FGF10: variants seen among roughly 807,000 people sequenced by gnomAD.
The protein encoded by FGF10 is FGF-10.
FGF10 carries 2 observed loss-of-function variants against 19.8 expected under a neutral mutation model. That is an observed-to-expected ratio of 0.10 (90% confidence interval 0.04 to 0.32). The LOEUF (loss-of-function observed/expected upper bound fraction) is 0.32, where lower values mean the gene tolerates loss of function less well. FGF10 is among the 10% of genes least tolerant of loss of function. The pLI is 1.00. For missense variants in FGF10, 191 were observed against 246.3 expected (o/e 0.78, Z 1.50); for synonymous variants, 112 against 94.0 (o/e 1.19, Z -1.10).
chr5:44,365,960 G>A (rs935912299), intron 1 of FGF10, among the ~76,000 whole-genome samples: 12 of 151,702 alleles, frequency 7.9e-5, no homozygotes, highest in African/African-American at 2.2e-4. Flanking sequence ...ATTTCTGGGC[G>A]CATAAAATTA....
intron 1 of FGF10, among the ~76,000 whole-genome samples, chr5:44,321,302 G>A (rs1740480907): frequency 6.6e-6 from 1 of 152,208 alleles, no homozygotes; most frequent in African/African-American, 2.4e-5. Flanking sequence ...GGACTAATGA[G>A]TCACCATGGT....
At chr5:44,319,801 T>A (rs1579901576) in intron 1 of FGF10, among the ~76,000 whole-genome samples, 1 of 152,182 alleles carries the variant, frequency 6.6e-6, no homozygotes, top group African/African-American at 2.4e-5. Flanking sequence ...ATGGCAACAT[T>A]GATTCATTTG....
At position 44,327,350 on chromosome 5, in the gene FGF10, TCA is replaced by T. The variant is rs749927565; in HGVS notation, c.326-16822_326-16821del. 6.6e-5 allele frequency among the ~76,000 whole-genome samples: 10 copies of T among 152,168 alleles called. No individual in the cohort carries two copies. In the East Asian group the frequency reaches 1.9e-3, roughly 29 times the overall value. On this transcript the variant is annotated intron_variant, in intron 1 of 2. Coordinates refer to ENST00000264664, the MANE Select transcript of FGF10 (RefSeq NM_004465.2). ...CAAGCCTAAACCAGAATTATTCTGCTCAGTCTTTTTCTTCTAAATTCACTTGC... is the reference window on the plus strand; with the variant it reads ...CAAGCCTAAACCAGAATTATTCTGCTGTCTTTTTCTTCTAAATTCACTTGC...
chr5:44,384,472 C>T (rs559197567), intron 1 of FGF10, among the ~76,000 whole-genome samples: 2 of 152,164 alleles, frequency 1.3e-5, no homozygotes, highest in South Asian at 2.1e-4. Flanking sequence ...TAAAGAACTG[C>T]GGGTGTTCAC....
At chr5:44,351,451 A>G (rs1741230461) in intron 1 of FGF10, among the ~76,000 whole-genome samples, 1 of 151,582 alleles carries the variant, frequency 6.6e-6, no homozygotes, top group South Asian at 2.1e-4. Flanking sequence ...TCTTTTTTTA[A>G]CAGTTCAGTG....
At chr5:44,357,682 T>C (rs1741379779) in intron 1 of FGF10, among the ~76,000 whole-genome samples, 2 of 151,458 alleles carry the variant, frequency 1.3e-5, no homozygotes, top group Admixed American at 6.6e-5. Context: ...ACCATTATGC[T>C]ATTTTGCCTC....
chr5:44,312,896 A>G (rs536113007), intron 1 of FGF10, among the ~76,000 whole-genome samples: 1 of 152,238 alleles, frequency 6.6e-6, no homozygotes, highest in Admixed American at 6.6e-5. Context: ...TAGTAATAGT[A>G]TAAGATACAA....
At chr5:44,340,256 C>A (rs1299651294) in intron 1 of FGF10, among the ~76,000 whole-genome samples, 1 of 151,992 alleles carries the variant, frequency 6.6e-6, no homozygotes, top group Non-Finnish European at 1.5e-5. Context: ...CTGAAAGTAG[C>A]CCAAAGAATA....
At chr5:44,354,652 A>T (rs932235459) in intron 1 of FGF10, among the ~76,000 whole-genome samples, 2 of 151,476 alleles carry the variant, frequency 1.3e-5, no homozygotes, top group Non-Finnish European at 3.0e-5. Flanking sequence ...AATCTCTAAA[A>T]GCAGTGGTAG....
At chr5:44,335,642 T>TG (rs1740832225) in intron 1 of FGF10, among the ~76,000 whole-genome samples, 1 of 152,104 alleles carries the variant, frequency 6.6e-6, no homozygotes, top group African/African-American at 2.4e-5. Context: ...AAGCTAATTA[T>TG]GGAAAACACA....
intron 1 of FGF10, among the ~76,000 whole-genome samples, chr5:44,381,334 C>G (rs561886348): frequency 1.3e-5 from 2 of 152,264 alleles, no homozygotes; most frequent in Non-Finnish European, 2.9e-5. Context: ...ACAAAACTAT[C>G]AGCTTTAGAT....
In FGF10 at chr5:44,304,967, C is replaced by G; in HGVS notation, c.*28G>C. On this transcript the variant is annotated 3_prime_UTR_variant, in exon 3 of 3. Transcript: ENST00000264664. ...ATTCTTGGCAAAAGAGCCATTGGTTCTACTGCATCCACAAACGTTGCCTTC... is the reference window on the plus strand; with the variant it reads ...ATTCTTGGCAAAAGAGCCATTGGTTGTACTGCATCCACAAACGTTGCCTTC... 3 of 1,606,606 alleles carry G rather than the reference C, an allele frequency of 1.9e-6. No homozygotes were observed. The highest frequency in any genetic ancestry group is 2.6e-6 in the Non-Finnish European group (3 of 1,173,324).
chr5:44,329,587 A>T (rs1448642373), intron 1 of FGF10, among the ~76,000 whole-genome samples: 1 of 152,086 alleles, frequency 6.6e-6, no homozygotes, highest in Non-Finnish European at 1.5e-5. Flanking sequence ...TCCAACCTAA[A>T]CTAGAACGCA....
intron 1 of FGF10, among the ~76,000 whole-genome samples, chr5:44,382,905 C>T (rs1200815689): frequency 6.6e-6 from 1 of 151,990 alleles, no homozygotes; most frequent in Non-Finnish European, 1.5e-5. Flanking sequence ...AACAGTAATA[C>T]TAAAAATGTC....
In FGF10 at chr5:44,328,564, C is replaced by G. The variant is rs1299223285; in HGVS notation, c.326-18034G>C. On this transcript the variant is annotated intron_variant, in intron 1 of 2. Transcript: ENST00000264664. Reference sequence around the variant, plus strand: ...CTTGAGCCTAGGAATTTGAGAGCAGCCTGGGCACCATAGTGAGACCGCGTC... The same window carrying G: ...CTTGAGCCTAGGAATTTGAGAGCAGGCTGGGCACCATAGTGAGACCGCGTC... Among the ~76,000 whole-genome samples, 3 of 152,220 alleles carry G rather than the reference C, an allele frequency of 2.0e-5. No individual in the cohort carries two copies. In the East Asian group the frequency reaches 5.8e-4, roughly 29 times the overall value.
chr5:44,346,810 T>C lies in FGF10; in HGVS notation c.326-36280A>G, dbSNP rs17227836. Among the ~76,000 whole-genome samples the C allele has an allele frequency of 2.7e-3, 416 of 151,972 alleles. 12 individuals are homozygous for C. The East Asian group carries it at 0.075, about 27-fold the overall frequency. Reference sequence around the variant, plus strand: ...TGTTGAGCATTTAAAATATGACTAATAATATTGAGAAACAGAATAATTTTA... The same window carrying C: ...TGTTGAGCATTTAAAATATGACTAACAATATTGAGAAACAGAATAATTTTA... On this transcript the variant is annotated intron_variant, in intron 1 of 2. Coordinates refer to ENST00000264664, the MANE Select transcript of FGF10 (RefSeq NM_004465.2).
intron 1 of FGF10, among the ~76,000 whole-genome samples, chr5:44,349,014 C>T (rs933044786): frequency 4.0e-5 from 6 of 151,374 alleles, no homozygotes; most frequent in Admixed American, 1.3e-4. Flanking sequence ...TTCCAAAACT[C>T]GTTCAAGAAA....
At chr5:44,318,422 GA>G (rs1186291636) in intron 1 of FGF10, among the ~76,000 whole-genome samples, 1 of 152,098 alleles carries the variant, frequency 6.6e-6, no homozygotes, top group Non-Finnish European at 1.5e-5. Flanking sequence ...CAAAAATTCT[GA>G]AAAGTTCGAA....
chr5:44,337,427 C>T (rs1030974143), intron 1 of FGF10, among the ~76,000 whole-genome samples: 1 of 152,078 alleles, frequency 6.6e-6, no homozygotes, highest in Admixed American at 6.6e-5. Flanking sequence ...TGCAATGTAA[C>T]ATTAAACAAA....
Sources: allele counts gnomAD v4.1 joint callset (sites outside exome capture counted in the v4.1 genomes callset), GRCh38; gene constraint gnomAD v4.1.1; transcripts MANE v1.5; gene names NCBI Gene and HGNC (gene_info 2026-07-23, HGNC 2026-07-21).